ZSCAN20: variants seen among roughly 807,000 people sequenced by gnomAD.
ZSCAN20 encodes the protein zinc finger and SCAN domain-containing protein 20.
In ZSCAN20, 39 loss-of-function variants were observed where a neutral mutation model predicts 97.1. The observed-to-expected ratio is 0.40, with a 90% CI of 0.31 to 0.52. The LOEUF (loss-of-function observed/expected upper bound fraction) is 0.52, where lower values mean the gene tolerates loss of function less well. ZSCAN20 is among the 20% of genes least tolerant of loss of function. The pLI, the probability that ZSCAN20 is intolerant of heterozygous loss-of-function variation, is 0.49. For missense variants in ZSCAN20, 1,115 were observed against 1,290.4 expected, an observed-to-expected ratio of 0.86 and a Z score of 2.08; for synonymous variants, 456 against 467.3, an observed-to-expected ratio of 0.98 and a Z score of 0.31.
intron 3 of ZSCAN20, 136 bp downstream of exon 3, chr1:33,488,787 A>T: frequency 1.1e-6 from 1 of 947,532 alleles, no homozygotes; most frequent in South Asian, 1.6e-5. Context: ...GGGCACACTT[A>T]CTGAGAAGTA....
chr1:33,491,229 T>G lies in ZSCAN20; in HGVS notation c.971T>G (p.Val324Gly). 1 of 1,614,086 alleles carries G rather than the reference T, an allele frequency of 6.2e-7. No homozygotes were observed. The highest frequency in any genetic ancestry group is 1.1e-5 in the South Asian group (1 of 91,074). Residue 324 changes from valine (V) to glycine (G), a missense_variant, in exon 6 of 8, where the codon GTT (valine) becomes GGT (glycine). By Grantham distance (109) the Val-to-Gly change is moderately radical. Around this residue, in one of 3 missense-constraint regions of ZSCAN20, gnomAD observed 508 missense variants for 611.2 expected, o/e 0.83. Transcript: ENST00000684572. This position sits in a 1 kb window ranked among gnomAD's most constrained non-coding sequence, Gnocchi z 4.3. ...WDVEDMKVSG[V>G]HWGYEETKTF... is the part of the protein sequence containing the mutation. ...GTGGAGGACATGAAGGTGTCAGGTG[T>G]TCACTGGGGCTATGAGGAGACCAAG... is the stretch of plus-strand genomic sequence containing the variant.
chr1:33,499,017 C>T lies in ZSCAN20; in HGVS notation c.*3541C>T, dbSNP rs1652970496. ...CTTATTGTCCACTGTAGCCTCCTCCCAGAAGCCGAGTAAAGCAGCTAGGGT... is the reference window on the plus strand; with the variant it reads ...CTTATTGTCCACTGTAGCCTCCTCCTAGAAGCCGAGTAAAGCAGCTAGGGT... On this transcript the variant is annotated 3_prime_UTR_variant, in exon 8 of 8. Coordinates refer to ENST00000684572, the MANE Select transcript of ZSCAN20 (RefSeq NM_001377376.1). Among the ~76,000 whole-genome samples the T allele has an allele frequency of 6.6e-6, 1 of 152,200 alleles. No individual in the cohort carries two copies.
Position 33,479,410 on chromosome 1 carries a change from G to A in ZSCAN20, c.122G>A (p.Arg41His), listed in dbSNP as rs199637332. 1,620 of 1,614,232 alleles carry A rather than the reference G, an allele frequency of 1.0e-3. 3 individuals are homozygous for A. The Middle Eastern group carries it at 0.014, about 14-fold the overall frequency. ...GAATCCAAACTCTGGGAGAAGGACC[G>A]TGGCTCTGTCTCTGGCCCAGAGGCC... The part of the protein sequence containing the change: ...GSESKLWEKD[R>H]GSVSGPEASR... The change falls in exon 2 of 8, where the codon CGT (arginine) becomes CAT (histidine). Residue 41 changes from arginine to histidine, a missense_variant. Arg to His is a conservative substitution (Grantham distance 29). Around this residue, in one of 3 missense-constraint regions of ZSCAN20, gnomAD observed 508 missense variants for 611.2 expected, o/e 0.83. Transcript: ENST00000684572.
At chr1:33,494,170 C>G in intron 7 of ZSCAN20, 48 bp from the exon 8 acceptor site, 1 of 1,495,138 alleles carries the variant, frequency 6.7e-7, no homozygotes, top group East Asian at 2.3e-5. Context: ...CACACACACA[C>G]GCGCGCTAAT....
chr1:33,473,429 C>G (rs1385540039), intron 1 of ZSCAN20, among the ~76,000 whole-genome samples: 2 of 152,080 alleles, frequency 1.3e-5, no homozygotes, highest in East Asian at 3.9e-4. Context: ...ACCTACAAAT[C>G]TGATTATGCC....
At position 33,495,254 on chromosome 1, in the gene ZSCAN20, C is replaced by A. The variant is rs773984480; in HGVS notation, c.2910C>A (p.Asp970Glu). The A allele has an allele frequency of 6.2e-7, 1 of 1,611,818 alleles. No individual in the cohort carries two copies. Among genetic ancestry groups the A allele is most frequent in the Non-Finnish European group, 8.5e-7 (1 of 1,178,404 alleles). The change falls in exon 8 of 8, where the codon GAC becomes GAA. Residue 970 changes from aspartate (D) to glutamate (E), a missense_variant. By Grantham distance (45) the Asp-to-Glu change is conservative. Transcript: ENST00000684572. ...KCLECGKFFR[D>E]RSNLITHQRI... ...TTGAGTGTGGAAAATTCTTCCGTGACCGTTCTAACCTCATTACTCACCAGA... is the reference window on the plus strand; with the variant it reads ...TTGAGTGTGGAAAATTCTTCCGTGAACGTTCTAACCTCATTACTCACCAGA...
rs1222718877 is a variant in ZSCAN20, at chr1:33,499,808, G to A, written c.*4332G>A. ...GAGATGGGGGTCTTGTGTTGCCCAG[G>A]CTGGTCTTGAACTCCTGGCCTCAAG... On this transcript the variant is annotated 3_prime_UTR_variant, in exon 8 of 8. Coordinates refer to ENST00000684572, the MANE Select transcript of ZSCAN20 (RefSeq NM_001377376.1). Among the ~76,000 whole-genome samples the A allele has an allele frequency of 6.6e-6, 1 of 151,978 alleles. No individual in the cohort carries two copies. Among genetic ancestry groups the A allele is most frequent in the East Asian group, 1.9e-4 (1 of 5,168 alleles).
At chr1:33,485,721 T>C (rs1652339369) in intron 2 of ZSCAN20, among the ~76,000 whole-genome samples, 1 of 152,214 alleles carries the variant, frequency 6.6e-6, no homozygotes, top group Non-Finnish European at 1.5e-5. Context: ...ACTGTCTTTT[T>C]TCTTAGTCTG....
At position 33,494,448 on chromosome 1, in the gene ZSCAN20, G is replaced by A; in HGVS notation, c.2104G>A (p.Gly702Ser). The change falls in exon 8 of 8, where the codon GGC becomes AGC. Residue 702 changes from glycine (G) to serine (S), a missense_variant. This residue lies in a region of ZSCAN20 where 554 missense variants were observed against 584.9 expected (regional missense o/e 0.95). Coordinates refer to ENST00000684572, the MANE Select transcript of ZSCAN20 (RefSeq NM_001377376.1). ...EDLEKLIDHQ[G>S]LYLAEKPYKC... is the part of the protein sequence containing the mutation. ...CTTAGAAAAACTTATTGACCATCAA[G>A]GCCTGTACCTTGCAGAGAAACCCTA... 1 of 1,614,058 alleles carries A rather than the reference G, an allele frequency of 6.2e-7. No homozygotes were observed. The highest frequency in any genetic ancestry group is 8.5e-7 in the Non-Finnish European group (1 of 1,179,950).
At position 33,494,876 on chromosome 1, in the gene ZSCAN20, T is replaced by C. The variant is rs1557447411; in HGVS notation, c.2532T>C (p.Ser844=). ...SPSFSAHWRN[S]TEETAPEQPQ... is the part of the protein sequence containing the mutation. ...CTTTTAGTGCTCACTGGAGGAATTC[T>C]ACAGAAGAGACAGCTCCTGAACAAC... is the stretch of plus-strand genomic sequence containing the variant. Residue 844 remains serine, a synonymous_variant, in exon 8 of 8, where the codon TCT becomes TCC. Transcript: ENST00000684572. The C allele has an allele frequency of 6.2e-7, 1 of 1,614,212 alleles. No homozygotes were observed. The highest frequency in any genetic ancestry group is 8.5e-7 in the Non-Finnish European group (1 of 1,180,038).
At chr1:33,480,527 A>G (rs755817178) in intron 2 of ZSCAN20, among the ~76,000 whole-genome samples, 1 of 152,142 alleles carries the variant, frequency 6.6e-6, no homozygotes, top group African/African-American at 2.4e-5. Context: ...CTCAAATGAG[A>G]TATTAGTTGA....
At chr1:33,474,377 C>T (rs755848558) in intron 1 of ZSCAN20, among the ~76,000 whole-genome samples, 3 of 152,194 alleles carry the variant, frequency 2.0e-5, no homozygotes, top group Non-Finnish European at 4.4e-5. Flanking sequence ...TTGGAGGTCA[C>T]AGACCAGTCT....
At position 33,496,507 on chromosome 1, in the gene ZSCAN20, A is replaced by G. The variant is rs1652867903; in HGVS notation, c.*1031A>G. Reference sequence around the variant, plus strand: ...TAGGTGGGTTGAGATTGGGAAAAATATGCGGCCTAAGTAATTTTTCTTCCA... The same window carrying G: ...TAGGTGGGTTGAGATTGGGAAAAATGTGCGGCCTAAGTAATTTTTCTTCCA... On this transcript the variant is annotated 3_prime_UTR_variant, in exon 8 of 8. Coordinates refer to ENST00000684572, the MANE Select transcript of ZSCAN20 (RefSeq NM_001377376.1). The G allele has an allele frequency of 6.6e-6, 1 of 152,194 alleles. No homozygotes were observed. Among genetic ancestry groups the G allele is most frequent in the Admixed American group, 6.5e-5 (1 of 15,288 alleles). 9.4% of individuals were successfully genotyped at this position (152,194 alleles called of 1,614,324 possible). A position where few individuals can be genotyped will look rare whatever the true frequency, so the allele number is the denominator to read the frequency against.
At chr1:33,482,433 C>T (rs79466613) in intron 2 of ZSCAN20, among the ~76,000 whole-genome samples, 75 of 152,244 alleles carry the variant, frequency 4.9e-4, no homozygotes, top group African/African-American at 1.8e-3. Context: ...AACAATATTC[C>T]GTTGTGTGGA....
intron 1 of ZSCAN20, among the ~76,000 whole-genome samples, chr1:33,477,662 G>A (rs1413444603): frequency 1.3e-5 from 2 of 148,288 alleles, no homozygotes; most frequent in Non-Finnish European, 3.0e-5. Flanking sequence ...TTTTTATCTA[G>A]TGTGCACAGA....
Position 33,479,205 on chromosome 1 carries a change from G to A in ZSCAN20, c.-84G>A. On this transcript the variant is annotated 5_prime_UTR_variant, in exon 2 of 8. Coordinates refer to ENST00000684572, the MANE Select transcript of ZSCAN20 (RefSeq NM_001377376.1). ...GCCTTGGGGAGCAGTCCCTTTTCTA[G>A]GAGCCTCTTGAAGGACTCACCGTAG... The A allele has an allele frequency of 7.0e-7, 1 of 1,435,076 alleles. No homozygotes were observed. The highest frequency in any genetic ancestry group is 9.4e-7 in the Non-Finnish European group (1 of 1,061,124). 88.9% of individuals were successfully genotyped at this position (1,435,076 alleles called of 1,614,324 possible). A position where few individuals can be genotyped will look rare whatever the true frequency, so the allele number is the denominator to read the frequency against.
rs778190562 is a variant in ZSCAN20, at chr1:33,491,731, A to G, written c.1444+29A>G. The G allele has an allele frequency of 7.8e-6, 12 of 1,532,172 alleles. No homozygotes were observed. Among genetic ancestry groups the G allele is most frequent in the Non-Finnish European group, 9.6e-6 (11 of 1,142,110 alleles). 94.9% of individuals were successfully genotyped at this position (1,532,172 alleles called of 1,614,324 possible). A position where few individuals can be genotyped will look rare whatever the true frequency, so the allele number is the denominator to read the frequency against. On this transcript the variant is annotated intron_variant, in intron 6 of 7. Coordinates refer to ENST00000684572, the MANE Select transcript of ZSCAN20 (RefSeq NM_001377376.1). This position sits in a 1 kb window ranked among gnomAD's most constrained non-coding sequence, Gnocchi z 4.3. The stretch of plus-strand genomic sequence containing the variant: ...AGAACATGGGGGTTTAGTCAGATTC[A>G]GATTTCCAACCCTCCTACCAGCTAG...
rs1652921026 is a variant in ZSCAN20, at chr1:33,497,613, T to C, written c.*2137T>C. Reference sequence around the variant, plus strand: ...ATGTGCATGGTTGAAATCTGACAGCTGAATGGAACTTGGACATGCTGCAAT... The same window carrying C: ...ATGTGCATGGTTGAAATCTGACAGCCGAATGGAACTTGGACATGCTGCAAT... On this transcript the variant is annotated 3_prime_UTR_variant, in exon 8 of 8. Coordinates refer to ENST00000684572, the MANE Select transcript of ZSCAN20 (RefSeq NM_001377376.1). Among the ~76,000 whole-genome samples the C allele has an allele frequency of 6.6e-6, 1 of 152,022 alleles. No homozygotes were observed. The highest frequency in any genetic ancestry group is 1.5e-5 in the Non-Finnish European group (1 of 67,918).
chr1:33,494,342 C>G lies in ZSCAN20; in HGVS notation c.1998C>G (p.Asp666Glu), dbSNP rs768387327. Residue 666 changes from aspartate to glutamate, a missense_variant, in exon 8 of 8, where the codon GAC becomes GAG. Around this residue, in one of 3 missense-constraint regions of ZSCAN20, gnomAD observed 554 missense variants for 584.9 expected, o/e 0.95. Transcript: ENST00000684572. ...AVCQPLDWGE[D>E]SENENEDEGQ... ...GCCAACCTCTTGACTGGGGAGAAGA[C>G]AGTGAAAATGAAAATGAAGATGAAG... 5.6e-6 allele frequency: 9 copies of G among 1,614,002 alleles called. No homozygotes were observed. In the African/African-American group the frequency reaches 1.2e-4, roughly 22 times the overall value.
Sources: allele counts gnomAD v4.1 joint callset (sites outside exome capture counted in the v4.1 genomes callset), GRCh38; gene constraint gnomAD v4.1.1; regional missense constraint gnomAD v4.1.1; non-coding constraint Gnocchi (gnomAD v3.1); transcripts MANE v1.5; gene names NCBI Gene and HGNC (gene_info 2026-07-23, HGNC 2026-07-21).